DIS3L2: variants seen among roughly 807,000 people sequenced by gnomAD.
DIS3L2 encodes DIS3-like exonuclease 2.
In DIS3L2, 34 loss-of-function variants were observed where a neutral mutation model predicts 97.5. The observed-to-expected ratio is 0.35, with a 90% CI of 0.27 to 0.46. The LOEUF is 0.46. DIS3L2 is among the 20% of genes least tolerant of loss of function. DIS3L2 has a pLI of 1.00. For missense variants in DIS3L2, 1,038 were observed against 1,146.0 expected (o/e 0.91, Z 1.36); for synonymous variants, 435 against 445.2 (o/e 0.98, Z 0.29).
Position 232,336,879 on chromosome 2 carries a change from G to T in DIS3L2, c.*249G>T. 3.0e-6 allele frequency: 4 copies of T among 1,326,878 alleles called. No homozygotes were observed. The highest frequency in any genetic ancestry group is 2.9e-6 in the Non-Finnish European group (3 of 1,038,736). 82.2% of individuals were successfully genotyped at this position (1,326,878 alleles called of 1,614,324 possible). On this transcript the variant is annotated 3_prime_UTR_variant, in exon 21 of 21. Coordinates refer to ENST00000325385, the MANE Select transcript of DIS3L2 (RefSeq NM_152383.5). The stretch of plus-strand genomic sequence containing the variant: ...AGGCCCCAGTCCTCCTGGGAGGCTG[G>T]CCCCCCTTTTTTCTGGGCCCTACTG...
At chr2:232,083,918 A>G (rs553599416) in intron 5 of DIS3L2, among the ~76,000 whole-genome samples, 43 of 152,320 alleles carry the variant, frequency 2.8e-4, no homozygotes, top group Admixed American at 1.4e-3. Context: ...AGGAAAAACC[A>G]TTAAACCCGA....
intron 9 of DIS3L2, among the ~76,000 whole-genome samples, chr2:232,205,829 G>A (rs1050386866): frequency 6.6e-5 from 10 of 151,988 alleles, no homozygotes; most frequent in African/African-American, 2.2e-4. Flanking sequence ...GCATAAAAAG[G>A]GAAGCCATCA....
intron 10 of DIS3L2, among the ~76,000 whole-genome samples, chr2:232,228,876 A>G (rs944094845): frequency 2.0e-5 from 3 of 152,104 alleles, no homozygotes; most frequent in Non-Finnish European, 2.9e-5. Context: ...TTCTTCATAT[A>G]TTTTTCTCCA....
chr2:232,309,503 G>T (rs1010352056), intron 14 of DIS3L2, among the ~76,000 whole-genome samples: 1 of 151,932 alleles, frequency 6.6e-6, no homozygotes, highest in Non-Finnish European at 1.5e-5. Context: ...CTACGGCCCA[G>T]GTTTTTTTGT....
chr2:232,067,086 G>T (rs1695873232), intron 5 of DIS3L2, among the ~76,000 whole-genome samples: 1 of 151,260 alleles, frequency 6.6e-6, no homozygotes, highest in Non-Finnish European at 1.5e-5. Context: ...AATAACTTTT[G>T]GTTGCATTCA....
intron 6 of DIS3L2, among the ~76,000 whole-genome samples, chr2:232,116,808 AAAAC>A (rs1425936952): frequency 7.6e-6 from 1 of 132,106 alleles, no homozygotes; most frequent in Non-Finnish European, 1.6e-5. Flanking sequence ...GATAATGCTT[AAAAC>A]AAACAAAAAA....
chr2:232,212,393 G>A (rs888341331), intron 10 of DIS3L2, among the ~76,000 whole-genome samples: 2 of 152,202 alleles, frequency 1.3e-5, no homozygotes, highest in African/African-American at 4.8e-5. Flanking sequence ...ATAGCAGACG[G>A]ATACATCTAC....
At chr2:232,338,865 G>A (rs1381898133), downstream of DIS3L2, among the ~76,000 whole-genome samples, 2 of 152,292 alleles carry the variant, frequency 1.3e-5, no homozygotes, top group African/African-American at 4.8e-5. Context: ...AGGAGGACTT[G>A]GCCATTCCCT....
At chr2:232,301,485 C>T (rs777760855) in intron 14 of DIS3L2, among the ~76,000 whole-genome samples, 1 of 152,232 alleles carries the variant, frequency 6.6e-6, no homozygotes, top group Non-Finnish European at 1.5e-5. Flanking sequence ...CCTGGGCCTT[C>T]CTCAAGACCT....
chr2:232,343,806 A>G (rs1696165800), exon 14 of DIS3L2: 3 of 497,678 alleles, frequency 6.0e-6, no homozygotes, highest in East Asian at 3.4e-5. Context: ...AGCCAAGTAC[A>G]TTCCAATACC....
In DIS3L2 at chr2:231,975,793, GGA is replaced by G. The variant is rs567430676; in HGVS notation, c.-94+14032_-94+14033del. Among the ~76,000 whole-genome samples, 30 of 151,866 alleles carry G rather than the reference GGA, an allele frequency of 2.0e-4. 1 individual carries two copies. The South Asian group carries it at 6.0e-3, about 31-fold the overall frequency. On this transcript the variant is annotated intron_variant, in intron 1 of 20. Transcript: ENST00000325385. ...CAGTCTTGCAAGCTTGAGGGAGTGAGGAGAGGGATGTGGTTAGAGAAAGAAAG... is the reference window on the plus strand; with the variant it reads ...CAGTCTTGCAAGCTTGAGGGAGTGAGGAGGGATGTGGTTAGAGAAAGAAAG...
chr2:231,965,709 A>G (rs1352697252), intron 1 of DIS3L2, among the ~76,000 whole-genome samples: 1 of 152,196 alleles, frequency 6.6e-6, no homozygotes, highest in Non-Finnish European at 1.5e-5. Context: ...AGCAGATGAT[A>G]CTCAAATAAT....
chr2:232,077,381 C>CTG (rs1479106107), intron 5 of DIS3L2, among the ~76,000 whole-genome samples: 13 of 150,442 alleles, frequency 8.6e-5, no homozygotes, highest in Admixed American at 2.6e-4. Context: ...ACACAAGTTT[C>CTG]TGTGTGTGTG....
intron 1 of DIS3L2, among the ~76,000 whole-genome samples, chr2:231,968,009 A>G (rs1692772658): frequency 6.6e-6 from 1 of 151,692 alleles, no homozygotes; most frequent in Non-Finnish European, 1.5e-5. Context: ...TTGTAAGACT[A>G]TCATCACAAA....
chr2:232,285,668 G>A (rs1274640705), intron 13 of DIS3L2, among the ~76,000 whole-genome samples: 3 of 151,962 alleles, frequency 2.0e-5, no homozygotes, highest in African/African-American at 4.9e-5. Context: ...CAGGTTGGCC[G>A]GGGTTGATTT....
intron 9 of DIS3L2, among the ~76,000 whole-genome samples, chr2:232,197,175 T>A (rs1482785936): frequency 6.6e-6 from 1 of 152,206 alleles, no homozygotes; most frequent in Admixed American, 6.5e-5. Flanking sequence ...GTAAATTCCT[T>A]GACTTTGTGA....
At chr2:232,235,861 C>T (rs755691426) in intron 10 of DIS3L2, among the ~76,000 whole-genome samples, 2 of 152,194 alleles carry the variant, frequency 1.3e-5, no homozygotes, top group Non-Finnish European at 2.9e-5. Flanking sequence ...GTTCCTCGAT[C>T]GCAGGGCAGG....
intron 14 of DIS3L2, among the ~76,000 whole-genome samples, chr2:232,316,273 T>A (rs1695273532): frequency 6.6e-6 from 1 of 152,172 alleles, no homozygotes. Context: ...AGAGAGGATT[T>A]ATTCTTCCAG....
rs573324173 is a variant in DIS3L2 at position 232,131,097 on chromosome 2, A to AT, written c.702+385dup. 26 of 181,996 alleles carry AT rather than the reference A, an allele frequency of 1.4e-4. No homozygotes were observed. In the East Asian group the frequency reaches 3.4e-3, roughly 24 times the overall value. The allele number at this position is 181,996 out of a possible 1,614,324, so 11.3% of individuals were successfully genotyped here. The stretch of plus-strand genomic sequence containing the variant: ...TCAGATTTGTACAGTTTTTGCTCCA[A>AT]TTTTTTTGTTGTTACCATGCCCATA... On this transcript the variant is annotated intron_variant, in intron 7 of 20. Transcript: ENST00000325385.
Sources: gnomAD v4.1 joint callset for allele counts (sites outside exome capture counted in the v4.1 genomes callset) on GRCh38, gnomAD v4.1.1 for gene constraint, MANE v1.5 for transcripts, NCBI Gene and HGNC (gene_info 2026-07-23, HGNC 2026-07-21) for gene names.